GRB10: variants seen among roughly 807,000 people sequenced by gnomAD.
GRB10 encodes the protein growth factor receptor-bound protein 10.
GRB10 carries 20 observed loss-of-function variants against 80.9 expected under a neutral mutation model. The observed-to-expected ratio is 0.25, with a 90% CI of 0.17 to 0.36. The LOEUF (loss-of-function observed/expected upper bound fraction) is 0.36. GRB10 is among the 10% of genes least tolerant of loss of function. The pLI is 1.00. For missense variants in GRB10, 548 were observed against 747.7 expected (o/e 0.73, Z 3.12); for synonymous variants, 291 against 291.5 (o/e 1.00, Z 0.02).
At chr7:50,670,069 G>A (rs1392692899) in intron 6 of GRB10, among the ~76,000 whole-genome samples, 1 of 152,162 alleles carries the variant, frequency 6.6e-6, no homozygotes, top group Non-Finnish European at 1.5e-5. Flanking sequence ...AACAATATGT[G>A]GCATATCCAT....
intron 8 of GRB10, 48 bp from the exon 9 acceptor site, chr7:50,619,333 A>G (rs1384398221): frequency 9.3e-7 from 1 of 1,078,328 alleles, no homozygotes; most frequent in South Asian, 1.2e-5. Flanking sequence ...TGGGAAATTC[A>G]TGGTAGCTTT....
intron 7 of GRB10, among the ~76,000 whole-genome samples, chr7:50,639,551 T>C (rs1444871461): frequency 6.6e-6 from 1 of 152,080 alleles, no homozygotes; most frequent in African/African-American, 2.4e-5. Context: ...CAGGCGCCTG[T>C]AGTCCCAGCT....
At chr7:50,660,833 C>CCATCTTATG (rs1343620909) in intron 7 of GRB10, among the ~76,000 whole-genome samples, 4 of 152,000 alleles carry the variant, frequency 2.6e-5, no homozygotes, top group Non-Finnish European at 5.9e-5. Flanking sequence ...AGCATCTTAT[C>CCATCTTATG]CATCCCGCCA....
intron 7 of GRB10, among the ~76,000 whole-genome samples, chr7:50,645,351 G>T (rs1333780246): frequency 6.6e-6 from 1 of 152,128 alleles, no homozygotes; most frequent in African/African-American, 2.4e-5. Flanking sequence ...TGGACTCCCA[G>T]CCTGCTACTT....
chr7:50,611,843 T>C (rs988114424), intron 13 of GRB10, among the ~76,000 whole-genome samples: 22 of 152,322 alleles, frequency 1.4e-4, no homozygotes, highest in African/African-American at 5.3e-4. Flanking sequence ...CCCTAGACCA[T>C]TGTATCCATT....
intron 5 of GRB10, among the ~76,000 whole-genome samples, chr7:50,699,894 G>C (rs1253922532): frequency 6.6e-6 from 1 of 152,158 alleles, no homozygotes; most frequent in Non-Finnish European, 1.5e-5. Flanking sequence ...CCAACACTTT[G>C]GGAGGCCGAG....
chr7:50,651,287 AGG>A (rs748288546), intron 7 of GRB10, among the ~76,000 whole-genome samples: 1 of 152,234 alleles, frequency 6.6e-6, no homozygotes, highest in Non-Finnish European at 1.5e-5. Context: ...AGATGCGAGC[AGG>A]TCTGATCCTC....
intron 2 of GRB10, among the ~76,000 whole-genome samples, chr7:50,770,894 A>C (rs886938472): frequency 6.6e-6 from 1 of 152,176 alleles, no homozygotes; most frequent in Non-Finnish European, 1.5e-5. Flanking sequence ...AGTAAATTTC[A>C]ATATATACAG....
intron 7 of GRB10, among the ~76,000 whole-genome samples, chr7:50,632,916 G>A (rs969399160): frequency 6.6e-6 from 1 of 152,104 alleles, no homozygotes; most frequent in African/African-American, 2.4e-5. Context: ...GCCTGGTCAC[G>A]GGCTTGCCAG....
intron 3 of GRB10, among the ~76,000 whole-genome samples, chr7:50,750,255 CT>C (rs2073869974): frequency 6.6e-6 from 1 of 152,192 alleles, no homozygotes; most frequent in African/African-American, 2.4e-5. Flanking sequence ...CAAATTTTAT[CT>C]TCTTTTTTTA....
At chr7:50,726,247 A>T (rs1385110414) in intron 4 of GRB10, among the ~76,000 whole-genome samples, 1 of 152,054 alleles carries the variant, frequency 6.6e-6, no homozygotes, top group Non-Finnish European at 1.5e-5. Context: ...AAAATACAAA[A>T]ATTAGCCAGG....
At chr7:50,732,217 C>T in intron 4 of GRB10, 55 bp downstream of exon 4, 1 of 1,560,974 alleles carries the variant, frequency 6.4e-7, no homozygotes, top group Non-Finnish European at 8.8e-7. Context: ...CATGTGTGCC[C>T]TGGCCCTCGA....
At chr7:50,658,498 C>G (rs964019429) in intron 7 of GRB10, among the ~76,000 whole-genome samples, 2 of 152,172 alleles carry the variant, frequency 1.3e-5, no homozygotes, top group African/African-American at 2.4e-5. Flanking sequence ...CTGCACACTG[C>G]CCTTGCCTTT....
rs191471624 is a variant in GRB10 at position 50,627,695 on chromosome 7, C to T, written c.505-717G>A. Among the ~76,000 whole-genome samples, 327 of 152,362 alleles carry T rather than the reference C, an allele frequency of 2.1e-3. 2 individuals are homozygous for T. The highest frequency in any genetic ancestry group is 3.4e-3 in the Non-Finnish European group (232 of 68,036). On this transcript the variant is annotated intron_variant, in intron 7 of 18. Coordinates refer to ENST00000401949, the MANE Select transcript of GRB10 (RefSeq NM_001350814.2). ...GAGTCCAGAGGACGGGAGTCTATCC[C>T]TTCCAGGCAAGACCCTGCAGCAATG... is the stretch of plus-strand genomic sequence containing the variant.
At chr7:50,788,338 G>A (rs905117387) in intron 1 of GRB10, among the ~76,000 whole-genome samples, 1 of 152,146 alleles carries the variant, frequency 6.6e-6, no homozygotes, top group African/African-American at 2.4e-5. Context: ...GAGCAGCCTT[G>A]GAGGTTCCTG....
chr7:50,668,581 C>G (rs2060047317), intron 7 of GRB10, among the ~76,000 whole-genome samples: 1 of 152,174 alleles, frequency 6.6e-6, no homozygotes, highest in Admixed American at 6.5e-5. Context: ...TACGGGATGG[C>G]ATGAGGAGTA....
intron 2 of GRB10, among the ~76,000 whole-genome samples, chr7:50,775,478 G>A (rs577275798): frequency 8.1e-4 from 124 of 152,176 alleles, no homozygotes; most frequent in Middle Eastern, 3.4e-3. Context: ...CACTACACAC[G>A]GGTAACTCTA....
chr7:50,762,652 T>C (rs1182142849), intron 2 of GRB10, among the ~76,000 whole-genome samples: 1 of 152,206 alleles, frequency 6.6e-6, no homozygotes, highest in African/African-American at 2.4e-5. Context: ...TCACCTTCCA[T>C]ATGTGCCTTA....
intron 2 of GRB10, among the ~76,000 whole-genome samples, chr7:50,760,596 A>T (rs1398633014): frequency 2.0e-5 from 3 of 152,210 alleles, no homozygotes; most frequent in South Asian, 4.1e-4. Context: ...ATTAAGGGAG[A>T]ATTACTCATC....
Sources: allele counts gnomAD v4.1 joint callset (sites outside exome capture counted in the v4.1 genomes callset), GRCh38; gene constraint gnomAD v4.1.1; transcripts MANE v1.5; gene names NCBI Gene and HGNC (gene_info 2026-07-23, HGNC 2026-07-21).